Variants in NRXN1 observed in about 807,000 individuals in gnomAD.
NRXN1 encodes the protein neurexin-1.
Under a neutral mutation model 150.9 loss-of-function variants are expected in NRXN1, and 39 were observed. That is an observed-to-expected ratio of 0.26 (90% CI 0.20 to 0.34). The LOEUF (loss-of-function observed/expected upper bound fraction) is 0.34, where lower values mean the gene tolerates loss of function less well. Among genes scored for constraint, NRXN1 ranks in the 10% least tolerant of loss-of-function variants. The probability of loss-of-function intolerance (pLI) is 1.00; values close to 1 mark genes in which losing one functional copy is unlikely to be tolerated. For missense variants in NRXN1, 1,815 were observed against 1,949.9 expected, an observed-to-expected ratio of 0.93 and a Z score of 1.30; for synonymous variants, 924 against 757.0, an observed-to-expected ratio of 1.22 and a Z score of -3.62.
chr2:50,245,285 T>G (rs995393587), intron 17 of NRXN1, among the ~76,000 whole-genome samples: 3 of 151,890 alleles, frequency 2.0e-5, no homozygotes, highest in Non-Finnish European at 4.4e-5. Flanking sequence ...GTAGTAGAAC[T>G]TTTGCCAATC....
intron 2 of NRXN1, among the ~76,000 whole-genome samples, chr2:50,984,321 C>G (rs1385766480): frequency 6.6e-6 from 1 of 151,136 alleles, no homozygotes; most frequent in African/African-American, 2.4e-5. Flanking sequence ...TTGTATGACT[C>G]TCTATCTAAG....
At chr2:50,833,355 T>C (rs1671669975) in intron 5 of NRXN1, among the ~76,000 whole-genome samples, 1 of 152,198 alleles carries the variant, frequency 6.6e-6, no homozygotes, top group African/African-American at 2.4e-5. Flanking sequence ...AATGAAAGCA[T>C]GTATCCAGAG....
rs764067247 is a variant in NRXN1, at chr2:50,531,235, A to G, written c.2339T>C (p.Val780Ala). The change falls in exon 11 of 23, where the codon GTC (valine) becomes GCC (alanine). Residue 780 changes from valine (V) to alanine (A), a missense_variant. Val to Ala is a moderately conservative substitution (Grantham distance 64, BLOSUM62 0). Around this residue, in one of 6 missense-constraint regions of NRXN1, gnomAD observed 638 missense variants for 652.6 expected, o/e 0.98. Transcript: ENST00000401669. ...GGAAGGCAGGTTGTTACCTAGATTG[A>G]CCGTCAGTTTCACACGTCCTGCGTC... ...ELDAGRVKLT[V>A]NLDCIRINCN... 5.0e-6 allele frequency: 8 copies of G among 1,612,632 alleles called. No individual in the cohort carries two copies. In the South Asian group the frequency reaches 8.8e-5, roughly 18 times the overall value.
chr2:50,236,992 C>T (rs200285268), intron 17 of NRXN1, 22 bp from the exon 18 acceptor site: 14 of 1,611,236 alleles, frequency 8.7e-6, no homozygotes, highest in Non-Finnish European at 1.2e-5. Context: ...AAACCAAAAC[C>T]AATTAGTCCA....
intron 5 of NRXN1, among the ~76,000 whole-genome samples, chr2:50,788,098 CT>C (rs35777257): frequency 1.6e-3 from 231 of 144,356 alleles, no homozygotes; most frequent in Middle Eastern, 3.6e-3. Flanking sequence ...CCCTCGCCAC[CT>C]TTTTTTTTTT....
At chr2:50,528,488 T>A (rs1558885303) in intron 12 of NRXN1, 137 bp downstream of exon 12, 5 of 619,904 alleles carry the variant, frequency 8.1e-6, no homozygotes, top group African/African-American at 2.0e-5. Flanking sequence ...ACAACCCAGA[T>A]GATGGACTGG....
chr2:50,506,830 G>T, intron 12 of NRXN1: 1 of 524,484 alleles, frequency 1.9e-6, no homozygotes, highest in South Asian at 2.8e-5. Context: ...TAGCAAGCAA[G>T]GAAAATGACA....
At chr2:50,173,825 C>T (rs914118068) in intron 18 of NRXN1, among the ~76,000 whole-genome samples, 2 of 152,120 alleles carry the variant, frequency 1.3e-5, no homozygotes, top group Non-Finnish European at 1.5e-5. Flanking sequence ...GGTCATGTAA[C>T]AAGTAGTCCT....
intron 5 of NRXN1, among the ~76,000 whole-genome samples, chr2:50,628,232 A>G (rs1355690855): frequency 1.3e-5 from 2 of 151,992 alleles, no homozygotes; most frequent in Non-Finnish European, 1.5e-5. Context: ...ACTATGTAAT[A>G]AACTTTGAAG....
intron 8 of NRXN1, among the ~76,000 whole-genome samples, chr2:50,595,940 T>G (rs1405828520): frequency 6.6e-6 from 1 of 152,146 alleles, no homozygotes; most frequent in Admixed American, 6.5e-5. Flanking sequence ...TTTCCATCAG[T>G]TTCAACTTCT....
chr2:50,272,733 G>T (rs1006298075), intron 17 of NRXN1, among the ~76,000 whole-genome samples: 4 of 151,676 alleles, frequency 2.6e-5, no homozygotes, highest in African/African-American at 9.7e-5. Context: ...TCCCCAAAAG[G>T]GAACTTAAAT....
chr2:51,012,689 G>A (rs1668071229), intron 2 of NRXN1, among the ~76,000 whole-genome samples: 1 of 152,002 alleles, frequency 6.6e-6, no homozygotes, highest in Non-Finnish European at 1.5e-5. Context: ...CCTGTGTGAT[G>A]GCTTCTTAAT....
At chr2:50,463,917 G>A (rs1341787147) in intron 17 of NRXN1, 3 of 151,472 alleles carry the variant, frequency 2.0e-5, no homozygotes, top group East Asian at 2.0e-4. Flanking sequence ...AAAAATTTGC[G>A]ATAATAAAAT....
intron 17 of NRXN1, among the ~76,000 whole-genome samples, chr2:50,275,185 C>G (rs2070280586): frequency 6.6e-6 from 1 of 152,130 alleles, no homozygotes; most frequent in Non-Finnish European, 1.5e-5. Context: ...GTCAGAGTGA[C>G]AGTTGAAGAA....
rs540578029 is a variant in NRXN1, at chr2:50,510,485, C to CAAA, written c.2375-3871_2375-3869dup. On this transcript the variant is annotated intron_variant, in intron 12 of 22. Transcript: ENST00000401669. ...TGGATGACAGAGAGAGACTCCATCTCAAAAAAAAAAAAAAAAAAAAAAAAA... is the reference window on the plus strand; with the variant it reads ...TGGATGACAGAGAGAGACTCCATCTCAAAAAAAAAAAAAAAAAAAAAAAAAAAA... 6.5e-3 allele frequency among the ~76,000 whole-genome samples: 257 copies of CAAA among 39,704 alleles called. 24 individuals carry two copies. The highest frequency in any genetic ancestry group is 0.022 in the African/African-American group (224 of 10,034). 26.0% of individuals were successfully genotyped at this position (39,704 alleles called of 152,430 possible).
intron 5 of NRXN1, among the ~76,000 whole-genome samples, chr2:50,627,357 ATGTGTGTGTGTGTGTGTGTGTG>A (rs34870955): frequency 4.2e-5 from 6 of 143,516 alleles, no homozygotes; most frequent in Admixed American, 2.1e-4. Context: ...TGGTTCATGT[ATGTGTGTGTGTGTGTGTGTGTG>A]TGTGTGTGTG....
chr2:50,780,731 T>C lies in NRXN1; in HGVS notation c.832+141138A>G, dbSNP rs150038101. Among the ~76,000 whole-genome samples, 1,133 of 152,340 alleles carry C rather than the reference T, an allele frequency of 7.4e-3. 17 individuals are homozygous for C. Among genetic ancestry groups the C allele is most frequent in the African/African-American group, 0.026 (1,097 of 41,574 alleles). ...AATATTTTTCTTTGAATATTAATTATGTTGAACATTTAAAAATTTGTTTAT... is the reference window on the plus strand; with the variant it reads ...AATATTTTTCTTTGAATATTAATTACGTTGAACATTTAAAAATTTGTTTAT... On this transcript the variant is annotated intron_variant, in intron 5 of 22. Transcript: ENST00000401669.
chr2:50,011,926 C>A (rs950650886), intron 21 of NRXN1, among the ~76,000 whole-genome samples: 2 of 152,004 alleles, frequency 1.3e-5, no homozygotes, highest in African/African-American at 4.8e-5. Flanking sequence ...ACATAGCCAG[C>A]AAATGCATTG....
intron 18 of NRXN1, among the ~76,000 whole-genome samples, chr2:50,215,655 A>G (rs192619002): frequency 6.6e-6 from 1 of 152,090 alleles, no homozygotes; most frequent in Admixed American, 6.6e-5. Context: ...AAGTTGTTTT[A>G]AAAAGATTAT....
Sources: allele counts gnomAD v4.1 joint callset (sites outside exome capture counted in the v4.1 genomes callset), GRCh38; gene constraint gnomAD v4.1.1; regional missense constraint gnomAD v4.1.1; transcripts MANE v1.5; gene names NCBI Gene and HGNC (gene_info 2026-07-23, HGNC 2026-07-21).